CAMTA1: variants seen among roughly 807,000 people sequenced by gnomAD.
The protein encoded by CAMTA1 is calmodulin binding transcription activator 1.
CAMTA1 carries 27 observed loss-of-function variants against 170.9 expected under a neutral mutation model. That is an observed-to-expected ratio of 0.16 (90% confidence interval 0.12 to 0.22). CAMTA1 has a LOEUF of 0.22. Ranked by LOEUF, CAMTA1 falls within the 10% of genes least tolerant of loss-of-function variation. CAMTA1 has a pLI of 1.00. For missense variants in CAMTA1, 1,619 were observed against 2,217.2 expected, an observed-to-expected ratio of 0.73 and a Z score of 5.42; for synonymous variants, 833 against 891.5, an observed-to-expected ratio of 0.93 and a Z score of 1.17.
chr1:6,845,940 C>A (rs1657924256), intron 3 of CAMTA1, among the ~76,000 whole-genome samples: 1 of 152,184 alleles, frequency 6.6e-6, no homozygotes, highest in African/African-American at 2.4e-5. Flanking sequence ...GCCTCACAAT[C>A]ATGGCAGAAG....
chr1:7,698,764 C>T (rs1205657122), intron 11 of CAMTA1: 1 of 150,710 alleles, frequency 6.6e-6, no homozygotes, highest in East Asian at 2.0e-4. Context: ...ACTTTACAGA[C>T]TCACCCCTGG....
At chr1:7,448,025 C>A (rs1040258436) in intron 5 of CAMTA1, among the ~76,000 whole-genome samples, 1 of 152,268 alleles carries the variant, frequency 6.6e-6, no homozygotes, top group African/African-American at 2.4e-5. Context: ...GTCACTGAGT[C>A]CTCGGAGCAG....
At chr1:7,126,514 T>C (rs931307752) in intron 4 of CAMTA1, among the ~76,000 whole-genome samples, 1 of 152,240 alleles carries the variant, frequency 6.6e-6, no homozygotes, top group Non-Finnish European at 1.5e-5. Flanking sequence ...TAAATATTGA[T>C]GAGTTTTAAC....
At chr1:7,078,398 A>G (rs1639590542) in intron 3 of CAMTA1, among the ~76,000 whole-genome samples, 2 of 152,206 alleles carry the variant, frequency 1.3e-5, no homozygotes, top group Admixed American at 1.3e-4. Flanking sequence ...TAAGGAAGGC[A>G]GAATCGGTAT....
intron 3 of CAMTA1, among the ~76,000 whole-genome samples, chr1:6,977,253 A>G (rs544191738): frequency 6.0e-4 from 91 of 152,126 alleles, no homozygotes; most frequent in African/African-American, 2.2e-3. Context: ...CCAGCACAAC[A>G]GTAACTACAG....
intron 3 of CAMTA1, among the ~76,000 whole-genome samples, chr1:7,074,977 C>G (rs1639106429): frequency 6.6e-6 from 1 of 152,222 alleles, no homozygotes; most frequent in Non-Finnish European, 1.5e-5. Context: ...GGAAGTAGAG[C>G]TGGAGACATG....
chr1:7,587,202 C>G (rs1275788597), intron 6 of CAMTA1, among the ~76,000 whole-genome samples: 1 of 152,074 alleles, frequency 6.6e-6, no homozygotes, highest in African/African-American at 2.4e-5. Context: ...ACAGCCGCCA[C>G]GAAGAATTCA....
In CAMTA1 at chr1:7,171,498, G is replaced by A. The variant is rs142467210; in HGVS notation, c.303-77993G>A. On this transcript the variant is annotated intron_variant, in intron 4 of 22. Coordinates refer to ENST00000303635, the MANE Select transcript of CAMTA1 (RefSeq NM_015215.4). ...TCTCAGGGCCAACACAGACCAAGTG[G>A]TCAACAAGTATTTATTGGACTGAAA... Among the ~76,000 whole-genome samples the A allele has an allele frequency of 3.1e-3, 468 of 152,270 alleles. 10 individuals carry two copies. The highest frequency in any genetic ancestry group is 0.027 in the Admixed American group (410 of 15,288).
chr1:7,164,569 G>C (rs374727057), intron 4 of CAMTA1, among the ~76,000 whole-genome samples: 79 of 152,322 alleles, frequency 5.2e-4, no homozygotes, highest in African/African-American at 1.9e-3. Flanking sequence ...CCCGTGCCTA[G>C]GACTGGCCCA....
At chr1:6,897,176 A>G (rs557232180) in intron 3 of CAMTA1, among the ~76,000 whole-genome samples, 1 of 152,328 alleles carries the variant, frequency 6.6e-6, no homozygotes, top group South Asian at 2.1e-4. Context: ...GGAGGGAACA[A>G]ACAGGTTGAG....
chr1:6,866,331 C>T (rs1666559679), intron 3 of CAMTA1, among the ~76,000 whole-genome samples: 1 of 152,150 alleles, frequency 6.6e-6, no homozygotes, highest in Non-Finnish European at 1.5e-5. Context: ...GTTTGAGAAT[C>T]AGTGAATAGA....
chr1:7,679,491 C>A (rs1365881635), intron 11 of CAMTA1, among the ~76,000 whole-genome samples: 1 of 152,090 alleles, frequency 6.6e-6, no homozygotes, highest in African/African-American at 2.4e-5. Flanking sequence ...CCAACTGCTT[C>A]ATGACAGACA....
intron 6 of CAMTA1, among the ~76,000 whole-genome samples, chr1:7,507,735 C>T (rs928889471): frequency 6.6e-6 from 1 of 152,210 alleles, no homozygotes; most frequent in African/African-American, 2.4e-5. Context: ...CTTTGGGGCC[C>T]ACGGGCCACG....
At chr1:7,179,253 G>A (rs1050750017) in intron 4 of CAMTA1, among the ~76,000 whole-genome samples, 8 of 152,046 alleles carry the variant, frequency 5.3e-5, no homozygotes, top group Non-Finnish European at 8.8e-5. Flanking sequence ...AAATAACACA[G>A]GAACCACCTT....
At chr1:7,405,755 C>T (rs7517118) in intron 5 of CAMTA1, among the ~76,000 whole-genome samples, 116,703 of 151,832 alleles carry the variant, frequency 0.77, 45,893 homozygotes, top group African/African-American at 0.91. Flanking sequence ...AACACCACAC[C>T]GGGTGGATGT....
intron 5 of CAMTA1, among the ~76,000 whole-genome samples, chr1:7,310,625 TTTC>T (rs1676362885): frequency 4.0e-4 from 2 of 4,972 alleles, no homozygotes; most frequent in South Asian, 8.9e-3. Context: ...TCTTTCTTTC[TTTC>T]TTTCTTTCTT....
chr1:7,474,378 TAAAATGGA>T (rs1229384433), intron 6 of CAMTA1, among the ~76,000 whole-genome samples: 2 of 152,156 alleles, frequency 1.3e-5, no homozygotes. Flanking sequence ...TGCTCATCCA[TAAAATGGA>T]GCCAACAGCA....
At position 7,093,591 on chromosome 1, in the gene CAMTA1, C is replaced by T. The variant is rs1459577844; in HGVS notation, c.302+2220C>T. On this transcript the variant is annotated intron_variant, in intron 4 of 22. Coordinates refer to ENST00000303635, the MANE Select transcript of CAMTA1 (RefSeq NM_015215.4). This position sits in a 1 kb window ranked among gnomAD's most constrained non-coding sequence, Gnocchi z 4.6. The stretch of plus-strand genomic sequence containing the variant: ...TTTCAGCCACCCTTTGACGGCAGAA[C>T]AGTAGAACATTTCAAGGCAGCGGTT... Among the ~76,000 whole-genome samples, 1 of 152,198 alleles carries T rather than the reference C, an allele frequency of 6.6e-6. No individual in the cohort carries two copies. The highest frequency in any genetic ancestry group is 6.5e-5 in the Admixed American group (1 of 15,280).
At chr1:7,525,336 A>C (rs2094418805) in intron 6 of CAMTA1, among the ~76,000 whole-genome samples, 1 of 151,604 alleles carries the variant, frequency 6.6e-6, no homozygotes, top group African/African-American at 2.4e-5. Flanking sequence ...GCAGAGGACA[A>C]GCCCCCTCAC....
Sources: allele counts gnomAD v4.1 joint callset (sites outside exome capture counted in the v4.1 genomes callset), GRCh38; gene constraint gnomAD v4.1.1; non-coding constraint Gnocchi (gnomAD v3.1); transcripts MANE v1.5; gene names NCBI Gene and HGNC (gene_info 2026-07-23, HGNC 2026-07-21).